Variants in ZNF536 observed in about 807,000 individuals in gnomAD.
ZNF536 encodes zinc finger protein 536.
ZNF536 carries 13 observed loss-of-function variants against 84.5 expected under a neutral mutation model. The observed-to-expected ratio is 0.15, with a 90% confidence interval of 0.10 to 0.24. The LOEUF is 0.24. Among genes scored for constraint, ZNF536 ranks in the 10% least tolerant of loss-of-function variants. The pLI is 1.00. For synonymous variants in ZNF536, 811 were observed against 742.5 expected, an observed-to-expected ratio of 1.09 and a Z score of -1.50; for missense variants, 1,536 against 1,747.5, an observed-to-expected ratio of 0.88 and a Z score of 2.16.
intron 1 of ZNF536, among the ~76,000 whole-genome samples, chr19:30,564,135 G>A (rs1383639993): frequency 6.6e-6 from 1 of 152,114 alleles, no homozygotes; most frequent in Non-Finnish European, 1.5e-5. Context: ...AAGAGAAGAA[G>A]GAGGAGGATT....
intron 2 of ZNF536, among the ~76,000 whole-genome samples, chr19:30,344,359 G>C (rs987996241): frequency 1.0e-4 from 12 of 120,360 alleles, no homozygotes; most frequent in Non-Finnish European, 2.0e-4. Context: ...AAAATCACTT[G>C]AACCCGGGAG....
At chr19:30,461,637 G>GCCCTCTGA (rs1470986831) in intron 2 of ZNF536, among the ~76,000 whole-genome samples, 63 of 152,294 alleles carry the variant, frequency 4.1e-4, no homozygotes, top group African/African-American at 1.5e-3. Context: ...AGGGGAAGAG[G>GCCCTCTGA]CCCTCTGAGG....
intron 1 of ZNF536, among the ~76,000 whole-genome samples, chr19:30,661,047 T>C (rs1464566872): frequency 6.6e-6 from 1 of 152,228 alleles, no homozygotes; most frequent in Non-Finnish European, 1.5e-5. Context: ...GGCCACCCGA[T>C]GATTCCGTGA....
At chr19:30,384,317 TCCCCTCCCCTCCCCTCCCCTCCCCTC>T in intron 1 of ZNF536, among the ~76,000 whole-genome samples, 1 of 562 alleles carries the variant, frequency 1.8e-3, no homozygotes, top group Non-Finnish European at 6.9e-3. Flanking sequence ...TCCCCTCCCT[TCCCCTCCCCTCCCCTCCCCTCCCCTC>T]CCCTTCCCTT....
chr19:30,585,523 A>G (rs924139089), intron 1 of ZNF536, among the ~76,000 whole-genome samples: 4 of 152,196 alleles, frequency 2.6e-5, no homozygotes, highest in African/African-American at 9.6e-5. Flanking sequence ...GGGTTAATAG[A>G]TCTTGGGAGT....
chr19:30,623,231 A>T (rs1477002794), intron 1 of ZNF536, among the ~76,000 whole-genome samples: 5 of 152,134 alleles, frequency 3.3e-5, no homozygotes. Flanking sequence ...CCACCCTGCC[A>T]TGAGATGGGC....
At chr19:30,255,449 G>C (rs1036677384) in intron 1 of ZNF536, among the ~76,000 whole-genome samples, 7 of 152,114 alleles carry the variant, frequency 4.6e-5, no homozygotes, top group Non-Finnish European at 8.8e-5. Flanking sequence ...ACACGGGTTC[G>C]GGTGGATGCA....
intron 2 of ZNF536, among the ~76,000 whole-genome samples, chr19:30,298,662 G>C (rs2046084642): frequency 6.6e-6 from 1 of 152,230 alleles, no homozygotes; most frequent in Non-Finnish European, 1.5e-5. Context: ...GGGAGAATCT[G>C]TTTCAGGTGT....
intron 1 of ZNF536, among the ~76,000 whole-genome samples, chr19:30,675,784 G>A (rs1318383395): frequency 6.6e-6 from 1 of 152,188 alleles, no homozygotes; most frequent in Non-Finnish European, 1.5e-5. Context: ...TGGCTATAGA[G>A]ATGACAGCCC....
intron 2 of ZNF536, among the ~76,000 whole-genome samples, chr19:30,285,755 C>T (rs762714571): frequency 3.9e-5 from 6 of 152,164 alleles, no homozygotes; most frequent in Non-Finnish European, 8.8e-5. Context: ...GGGGCCCTCC[C>T]GTGCACTGCA....
intron 2 of ZNF536, among the ~76,000 whole-genome samples, chr19:30,459,782 G>C (rs192922199): frequency 6.6e-6 from 1 of 152,154 alleles, no homozygotes; most frequent in Admixed American, 6.5e-5. Flanking sequence ...GGCTCTCTTC[G>C]CTGGAGGTTG....
chr19:30,576,022 C>G lies in ZNF536; in HGVS notation c.169+26508C>G, dbSNP rs1480785338. On this transcript the variant is annotated intron_variant, in intron 1 of 1. Coordinates refer to the ZNF536 transcript ENST00000592773. ...GGCCTACACTGAGAAGGGCTCGGCT[C>G]ATGGTATAAGGGTCAAGTGTGCCCA... Among the ~76,000 whole-genome samples the G allele has an allele frequency of 2.0e-5, 3 of 152,212 alleles. No individual in the cohort carries two copies. The East Asian group carries it at 5.8e-4, about 29-fold the overall frequency.
chr19:30,509,291 A>G (rs932462943), intron 2 of ZNF536, among the ~76,000 whole-genome samples: 4 of 148,474 alleles, frequency 2.7e-5, no homozygotes, highest in African/African-American at 9.8e-5. Context: ...AATATACAAT[A>G]TGTAACATAT....
chr19:30,498,242 GGA>G (rs1206926412), intron 2 of ZNF536, among the ~76,000 whole-genome samples: 1 of 152,176 alleles, frequency 6.6e-6, no homozygotes, highest in Non-Finnish European at 1.5e-5. Context: ...TATACAGCAT[GGA>G]ATACTATGCA....
At chr19:30,416,386 T>G (rs1193746876) in intron 1 of ZNF536, among the ~76,000 whole-genome samples, 1 of 151,992 alleles carries the variant, frequency 6.6e-6, no homozygotes, top group African/African-American at 2.4e-5. Context: ...CATTTGTTTT[T>G]GTGAAAAGAG....
intron 3 of ZNF536, among the ~76,000 whole-genome samples, chr19:30,352,870 A>G (rs1377428306): frequency 1.3e-5 from 2 of 152,228 alleles, no homozygotes; most frequent in East Asian, 1.9e-4. Context: ...TGCTGCTAAC[A>G]TATTCTGGTT....
intron 2 of ZNF536, among the ~76,000 whole-genome samples, chr19:30,471,829 T>C (rs558413704): frequency 1.3e-5 from 2 of 152,336 alleles, no homozygotes; most frequent in African/African-American, 4.8e-5. Flanking sequence ...AGCAACTCTG[T>C]AATTTTTTTT....
chr19:30,327,146 A>C (rs11881875), intron 2 of ZNF536, among the ~76,000 whole-genome samples: 57,418 of 152,032 alleles, frequency 0.38, 11,020 homozygotes, highest in Middle Eastern at 0.48. Flanking sequence ...TTCATTAATA[A>C]AAATAAAAAG....
intron 1 of ZNF536, among the ~76,000 whole-genome samples, chr19:30,388,684 G>A (rs2049450871): frequency 6.6e-6 from 1 of 152,250 alleles, no homozygotes; most frequent in Non-Finnish European, 1.5e-5. Flanking sequence ...GCTGTTGGGA[G>A]AAGCTGAATG....
Sources: gnomAD v4.1 joint callset for allele counts (sites outside exome capture counted in the v4.1 genomes callset) on GRCh38, gnomAD v4.1.1 for gene constraint, MANE v1.5 for transcripts, NCBI Gene and HGNC (gene_info 2026-07-23, HGNC 2026-07-21) for gene names.